Variants in HACD1 observed in about 807,000 individuals in gnomAD.
HACD1 encodes very-long-chain (3R)-3-hydroxyacyl-CoA dehydratase 1.
A neutral mutation model predicts 32.0 loss-of-function variants in HACD1; 41 were observed. The ratio of observed to expected loss-of-function variants is 1.28; its 90% CI spans 1.00 to 1.66. HACD1 has a LOEUF of 1.66. HACD1 is among the 40% of genes most tolerant of loss of function. HACD1 has a pLI of 0.00. For missense variants in HACD1, 396 were observed against 380.1 expected, an observed-to-expected ratio of 1.04 and a Z score of -0.35; for synonymous variants, 142 against 139.0, an observed-to-expected ratio of 1.02 and a Z score of -0.15.
At position 17,612,125 on chromosome 10, in the gene HACD1, A is replaced by AAAAAAC. The variant is rs1564511824; in HGVS notation, c.257+4952_257+4957dup. On this transcript the variant is annotated intron_variant, in intron 1 of 6. Transcript: ENST00000361271. The stretch of plus-strand genomic sequence containing the variant: ...CATCTCAAAAAAAAAAAAAAAAAAA[A>AAAAAAC]AAAAACCCTAAAAAATCCTTACATC... Among the ~76,000 whole-genome samples the AAAAAAC allele has an allele frequency of 2.5e-4, 35 of 141,980 alleles. 4 individuals carry two copies. The highest frequency in any genetic ancestry group is 3.2e-4 in the African/African-American group (12 of 38,052). The allele number at this position is 141,980 out of a possible 152,430, so 93.1% of individuals were successfully genotyped here.
intron 5 of HACD1, among the ~76,000 whole-genome samples, chr10:17,595,169 T>TA (rs1249809697): frequency 6.6e-6 from 1 of 152,088 alleles, no homozygotes; most frequent in African/African-American, 2.4e-5. Context: ...TATGTAGCTT[T>TA]AAAAAAAGTA....
At position 17,617,231 on chromosome 10, in the gene HACD1, C is replaced by A. The variant is rs1326567519; in HGVS notation, c.109G>T (p.Ala37Ser). The stretch of plus-strand genomic sequence containing the variant: ...TCGTCGCTGGACGCCATGGTGGCCG[C>A]GCACCTGGGGGACGTGGGAGACAGC... ...LPLSPTSPRCAATMASSDEDG... is the reference protein window; with the variant it reads ...LPLSPTSPRCSATMASSDEDG... Residue 37 changes from alanine to serine, a missense_variant, in exon 1 of 7, where the codon GCG (alanine) becomes TCG (serine). Ala to Ser is a moderately conservative substitution (Grantham distance 99, BLOSUM62 1). Transcript: ENST00000361271. 3 of 1,490,014 alleles carry A rather than the reference C, an allele frequency of 2.0e-6. No homozygotes were observed. The highest frequency in any genetic ancestry group is 2.7e-6 in the Non-Finnish European group (3 of 1,125,326). 92.3% of individuals were successfully genotyped at this position (1,490,014 alleles called of 1,614,324 possible).
intron 5 of HACD1, 134 bp downstream of exon 5, chr10:17,599,156 G>A (rs1554816253): frequency 7.4e-7 from 1 of 1,342,422 alleles, no homozygotes; most frequent in Non-Finnish European, 9.7e-7. Context: ...ATAATTATTA[G>A]TTATACCAGT....
intron 1 of HACD1, among the ~76,000 whole-genome samples, chr10:17,611,232 C>T (rs1337255747): frequency 6.6e-6 from 1 of 152,138 alleles, no homozygotes; most frequent in Non-Finnish European, 1.5e-5. Context: ...GATCTCCTGA[C>T]CTCGTGATCC....
At chr10:17,599,249 T>C (rs1176140118) in intron 5 of HACD1, 41 bp downstream of exon 5, 14 of 1,606,020 alleles carry the variant, frequency 8.7e-6, no homozygotes, top group African/African-American at 4.0e-5. Flanking sequence ...AAAATAAGCA[T>C]GCACAGGACA....
rs2131503487 is a variant in HACD1 at position 17,594,259 on chromosome 10, C to A, written c.730G>T (p.Val244Phe). The change falls in exon 6 of 7, where the codon GTC (valine) becomes TTC (phenylalanine). Residue 244 changes from valine to phenylalanine, a missense_variant. Transcript: ENST00000361271. ...AGAAAATAATAGTAGTCAAAAGAGA[C>A]ATTGTATTTGTTAGGAAGTCTTATT... ...FSIRLPNKYN[V>F]SFDYYYFLLI... is the part of the protein sequence containing the mutation. The A allele has an allele frequency of 1.3e-6, 2 of 1,598,534 alleles. No homozygotes were observed. The highest frequency in any genetic ancestry group is 1.1e-5 in the South Asian group (1 of 88,400).
In HACD1 at chr10:17,608,912, G is replaced by A. The variant is rs145296493; in HGVS notation, c.258-4865C>T. Among the ~76,000 whole-genome samples the A allele has an allele frequency of 5.3e-5, 8 of 152,244 alleles. No homozygotes were observed. The East Asian group carries it at 5.8e-4, about 11-fold the overall frequency. ...GTACACCAGCACTCATGCCAATAAC[G>A]AGTCAAGCTGAAAGATTCATAAAAG... is the stretch of plus-strand genomic sequence containing the variant. On this transcript the variant is annotated intron_variant, in intron 1 of 6. Coordinates refer to ENST00000361271, the MANE Select transcript of HACD1 (RefSeq NM_014241.4).
rs782017509 is a variant in HACD1 at position 17,599,377 on chromosome 10, A to T, written c.518T>A (p.Val173Asp). 13 of 1,613,758 alleles carry T rather than the reference A, an allele frequency of 8.1e-6. No individual in the cohort carries two copies. The South Asian group carries it at 1.4e-4, about 18-fold the overall frequency. The change falls in exon 5 of 7, where the codon GTC becomes GAC. Residue 173 changes from valine to aspartate, a missense_variant. By Grantham distance (152) the Val-to-Asp change is radical (BLOSUM62 -3). Transcript: ENST00000361271. ...AGTGATCTCTGTCACAGTCCACGCGACCAGAAAAAGCACCACACTCTCTTC... is the reference window on the plus strand; with the variant it reads ...AGTGATCTCTGTCACAGTCCACGCGTCCAGAAAAAGCACCACACTCTCTTC... Reference protein sequence around the residue: ...QNEESVVLFLVAWTVTEITRY... With the variant: ...QNEESVVLFLDAWTVTEITRY...
intron 5 of HACD1, among the ~76,000 whole-genome samples, chr10:17,598,747 C>G (rs7921987): frequency 0.3 from 46,338 of 152,016 alleles, 7,501 homozygotes; most frequent in African/African-American, 0.36. Context: ...GATATCTTTT[C>G]CTTTAAAAAC....
At chr10:17,609,087 A>G (rs1554817266) in intron 1 of HACD1, among the ~76,000 whole-genome samples, 1 of 152,112 alleles carries the variant, frequency 6.6e-6, no homozygotes. Context: ...TCCAGATTGT[A>G]TAAAGAACTT....
intron 1 of HACD1, among the ~76,000 whole-genome samples, chr10:17,605,419 G>A (rs1242506483): frequency 2.0e-5 from 3 of 151,774 alleles, no homozygotes; most frequent in Admixed American, 6.6e-5. Context: ...CAGCTACTCC[G>A]GAGGCTGAGG....
rs148935129 is a variant in HACD1 at position 17,598,225 on chromosome 10, C to A, written c.605+1065G>T. ...AAGTGAGCCGAGATCGTGCCACTAT[C>A]CTCCAGCCTGGGTGACAGAATGAGA... is the stretch of plus-strand genomic sequence containing the variant. On this transcript the variant is annotated intron_variant, in intron 5 of 6. Coordinates refer to ENST00000361271, the MANE Select transcript of HACD1 (RefSeq NM_014241.4). 5.2e-3 allele frequency among the ~76,000 whole-genome samples: 752 copies of A among 145,840 alleles called. 9 individuals carry two copies. Among genetic ancestry groups the A allele is most frequent in the African/African-American group, 0.018 (710 of 39,356 alleles).
intron 1 of HACD1, among the ~76,000 whole-genome samples, chr10:17,608,220 G>A (rs1834176439): frequency 6.6e-6 from 1 of 151,886 alleles, no homozygotes; most frequent in South Asian, 2.1e-4. Context: ...TAGAGATGGG[G>A]TCTCCCTATG....
In HACD1 at chr10:17,611,383, CT is replaced by C. The variant is rs374686041; in HGVS notation, c.257+5699del. Among the ~76,000 whole-genome samples the C allele has an allele frequency of 4.5e-3, 689 of 152,338 alleles. 3 individuals carry two copies. The highest frequency in any genetic ancestry group is 0.015 in the African/African-American group (631 of 41,566). Reference sequence around the variant, plus strand: ...CATGCTGTTTCCCCACTTATGCCTACTTAAGTCCTTCACCGCTCAGTTTAAA... The same window carrying C: ...CATGCTGTTTCCCCACTTATGCCTACTAAGTCCTTCACCGCTCAGTTTAAA... On this transcript the variant is annotated intron_variant, in intron 1 of 6. Transcript: ENST00000361271.
chr10:17,613,099 T>G (rs1188325997), intron 1 of HACD1, among the ~76,000 whole-genome samples: 95 of 7,376 alleles, frequency 0.013, 1 homozygote, highest in African/African-American at 0.062. Context: ...CAATTTGGGG[T>G]GTGTGTGTGT....
chr10:17,616,491 C>A (rs1198832943), intron 1 of HACD1, among the ~76,000 whole-genome samples: 2 of 151,976 alleles, frequency 1.3e-5, no homozygotes, highest in Non-Finnish European at 2.9e-5. Context: ...CCTTAACTTG[C>A]AAAGTCATAC....
rs533906064 is a variant in HACD1 at position 17,607,319 on chromosome 10, G to A, written c.258-3272C>T. 2.0e-5 allele frequency among the ~76,000 whole-genome samples: 3 copies of A among 152,210 alleles called. No homozygotes were observed. The East Asian group carries it at 5.8e-4, about 29-fold the overall frequency. On this transcript the variant is annotated intron_variant, in intron 1 of 6. Transcript: ENST00000361271. ...CCCCAGCTTCACTGTGGCTACAACTGATGGATCCATCTCATGTGAGCGCCA... is the reference window on the plus strand; with the variant it reads ...CCCCAGCTTCACTGTGGCTACAACTAATGGATCCATCTCATGTGAGCGCCA...
intron 1 of HACD1, among the ~76,000 whole-genome samples, chr10:17,607,103 T>C (rs111432046): frequency 0.034 from 5,131 of 152,024 alleles, 294 homozygotes; most frequent in African/African-American, 0.12. Flanking sequence ...ATATGGAGAG[T>C]CTATGCTCAA....
Position 17,613,097 on chromosome 10 carries a change from G to GGTGT in HACD1, c.257+3982_257+3985dup, listed in dbSNP as rs56074507. Among the ~76,000 whole-genome samples, 718 of 132,854 alleles carry GGTGT rather than the reference G, an allele frequency of 5.4e-3. 5 individuals are homozygous for GGTGT. The highest frequency in any genetic ancestry group is 9.4e-3 in the Admixed American group (119 of 12,600). 87.2% of individuals were successfully genotyped at this position (132,854 alleles called of 152,430 possible). On this transcript the variant is annotated intron_variant, in intron 1 of 6. Transcript: ENST00000361271. The stretch of plus-strand genomic sequence containing the variant: ...ACTATTCCGTTGCTTTGCAATTTGG[G>GGTGT]GTGTGTGTGTGTGTGTGTGTGTGTG...
Sources: gnomAD v4.1 joint callset for allele counts (sites outside exome capture counted in the v4.1 genomes callset) on GRCh38, gnomAD v4.1.1 for gene constraint, MANE v1.5 for transcripts, NCBI Gene and HGNC (gene_info 2026-07-23, HGNC 2026-07-21) for gene names.